The following PCDH19 variants were observed in gnomAD, a reference collection of about 807,000 sequenced individuals.
PCDH19 encodes protocadherin 19, also known as protocadherin-19.
PCDH19 carries 6 observed loss-of-function variants against 46.2 expected under a neutral mutation model. The observed-to-expected ratio is 0.13, with a 90% confidence interval of 0.07 to 0.26. The LOEUF (loss-of-function observed/expected upper bound fraction) is 0.26, where lower values mean the gene tolerates loss of function less well. Among genes scored for constraint, PCDH19 ranks in the 10% least tolerant of loss-of-function variants. PCDH19 has a pLI of 1.00. For missense variants in PCDH19, 740 were observed against 972.3 expected, an observed-to-expected ratio of 0.76 and a Z score of 3.18; for synonymous variants, 481 against 415.7, an observed-to-expected ratio of 1.16 and a Z score of -1.91.
At chrX:100,392,894 G>A (rs1196437775) in intron 3 of PCDH19, among the ~76,000 whole-genome samples, 1 of 111,288 alleles carries the variant, frequency 9.0e-6, no homozygotes, top group Non-Finnish European at 1.9e-5. Flanking sequence ...CAGTTTGACA[G>A]GGTCTCCCTG....
Position 100,402,579 on chromosome X carries a change from T to C in PCDH19, c.2561A>G (p.Asn854Ser). The change falls in exon 3 of 6, where the codon AAC (asparagine) becomes AGC (serine). Residue 854 changes from asparagine to serine, a missense_variant. Coordinates refer to ENST00000373034, the MANE Select transcript of PCDH19 (RefSeq NM_001184880.2). ...SANHIYHHSF[N>S]SQGPQQPDLI... is the part of the protein sequence containing the mutation. ...GTCAGGCTGCTGGGGCCCCTGGCTG[T>C]TGAAAGAGTGATGGTAGATGTGGTT... The C allele has an allele frequency of 8.3e-7, 1 of 1,211,565 alleles. No individual in the cohort carries two copies. Among genetic ancestry groups the C allele is most frequent in the Non-Finnish European group, 1.1e-6 (1 of 895,409 alleles).
intron 5 of PCDH19, among the ~76,000 whole-genome samples, chrX:100,301,084 A>C (rs1244928530): frequency 9.0e-6 from 1 of 111,378 alleles, no homozygotes; most frequent in Non-Finnish European, 1.9e-5. Context: ...AGCAATTACT[A>C]CTCTCCTCAG....
chrX:100,364,863 T>C (rs1267541080), intron 3 of PCDH19, among the ~76,000 whole-genome samples: 1 of 112,507 alleles, frequency 8.9e-6, no homozygotes, highest in Non-Finnish European at 1.9e-5. Flanking sequence ...CCTAGACTTG[T>C]ATTTCTTTCA....
chrX:100,372,532 C>A (rs921556054), intron 3 of PCDH19, among the ~76,000 whole-genome samples: 2 of 112,738 alleles, frequency 1.8e-5, no homozygotes, highest in African/African-American at 6.4e-5. Flanking sequence ...ATTAATCTAA[C>A]ACCCTCTGCT....
Position 100,402,576 on chromosome X carries a change from C to T in PCDH19, c.2564G>A (p.Ser855Asn), listed in dbSNP as rs796052824. 87 of 1,209,939 alleles carry T rather than the reference C, an allele frequency of 7.2e-5. No homozygotes were observed. The highest frequency in any genetic ancestry group is 9.5e-5 in the Non-Finnish European group (85 of 895,156). Residue 855 changes from serine to asparagine, a missense_variant, in exon 3 of 6, where the codon AGC becomes AAC. Around this residue, in one of 5 missense-constraint regions of PCDH19, gnomAD observed 416 missense variants for 476.8 expected, o/e 0.87. Transcript: ENST00000373034. ...CAGGTCAGGCTGCTGGGGCCCCTGG[C>T]TGTTGAAAGAGTGATGGTAGATGTG... ...ANHIYHHSFNSQGPQQPDLII... is the reference protein window; with the variant it reads ...ANHIYHHSFNNQGPQQPDLII...
intron 4 of PCDH19, among the ~76,000 whole-genome samples, chrX:100,345,074 G>T (rs1926358573): frequency 1.8e-5 from 2 of 110,225 alleles, no homozygotes; most frequent in Admixed American, 1.9e-4. Context: ...TTGAATCTCA[G>T]TTTCTTTATC....
chrX:100,331,196 C>A (rs930035950), intron 5 of PCDH19, among the ~76,000 whole-genome samples: 6 of 112,241 alleles, frequency 5.3e-5, no homozygotes, highest in African/African-American at 1.9e-4. Flanking sequence ...GACATTGACA[C>A]CTGCACACAC....
chrX:100,332,493 G>A (rs777850932), intron 5 of PCDH19, among the ~76,000 whole-genome samples: 8 of 104,222 alleles, frequency 7.7e-5, no homozygotes, highest in Admixed American at 2.1e-4. Flanking sequence ...TTGTACTCCA[G>A]CCTGGAGCAA....
intron 3 of PCDH19, among the ~76,000 whole-genome samples, chrX:100,352,493 A>ACC (rs1189923993): frequency 4.4e-5 from 5 of 112,489 alleles, no homozygotes; most frequent in African/African-American, 1.6e-4. Flanking sequence ...TGTGGTTTGG[A>ACC]CCTGTGTCCC....
chrX:100,387,330 G>A (rs1306633124), intron 3 of PCDH19, among the ~76,000 whole-genome samples: 1 of 111,712 alleles, frequency 9.0e-6, no homozygotes, highest in Non-Finnish European at 1.9e-5. Flanking sequence ...CACAAATAGT[G>A]CATTTAGTCA....
intron 5 of PCDH19, among the ~76,000 whole-genome samples, chrX:100,338,483 G>A (rs1602593122): frequency 2.0e-5 from 2 of 99,401 alleles, no homozygotes; most frequent in African/African-American, 7.5e-5. Flanking sequence ...GATCGCACCA[G>A]TGCACTCCAG....
intron 5 of PCDH19, among the ~76,000 whole-genome samples, chrX:100,301,125 CCAAA>C (rs1353185403): frequency 9.0e-6 from 1 of 111,425 alleles, no homozygotes; most frequent in Middle Eastern, 4.2e-3. Context: ...TCAGATGTGG[CCAAA>C]CAATGTACTT....
intron 3 of PCDH19, among the ~76,000 whole-genome samples, chrX:100,374,748 G>A (rs752331661): frequency 6.3e-5 from 7 of 111,089 alleles, no homozygotes; most frequent in Non-Finnish European, 1.1e-4. Context: ...GACCATCCTG[G>A]CTAACACAGT....
chrX:100,303,830 C>A (rs1294670519), intron 5 of PCDH19, among the ~76,000 whole-genome samples: 2 of 111,703 alleles, frequency 1.8e-5, no homozygotes, highest in Non-Finnish European at 3.8e-5. Context: ...AGCAGCCCTC[C>A]CCTACAACAC....
intron 5 of PCDH19, among the ~76,000 whole-genome samples, chrX:100,320,246 A>G (rs1415110361): frequency 1.8e-5 from 2 of 111,694 alleles, no homozygotes; most frequent in Non-Finnish European, 3.8e-5. Flanking sequence ...TACAATAAAC[A>G]GTAATAGAGT....
At chrX:100,316,338 T>C (rs1925304378) in intron 5 of PCDH19, among the ~76,000 whole-genome samples, 1 of 112,372 alleles carries the variant, frequency 8.9e-6, no homozygotes, top group Non-Finnish European at 1.9e-5. Context: ...CCTAAATGCA[T>C]TACAATCCCC....
chrX:100,329,867 G>C (rs138279783), intron 5 of PCDH19, among the ~76,000 whole-genome samples: 1 of 111,623 alleles, frequency 9.0e-6, no homozygotes, highest in Non-Finnish European at 1.9e-5. Flanking sequence ...AGCTGAGATC[G>C]CGCCACTGCA....
chrX:100,372,708 C>T lies in PCDH19; in HGVS notation c.2617-22004G>A, dbSNP rs189264954. 2.5e-4 allele frequency among the ~76,000 whole-genome samples: 28 copies of T among 112,306 alleles called. No homozygotes were observed. The East Asian group carries it at 6.8e-3, about 27-fold the overall frequency. On this transcript the variant is annotated intron_variant, in intron 3 of 5. Coordinates refer to ENST00000373034, the MANE Select transcript of PCDH19 (RefSeq NM_001184880.2). ...TGGCGTGAGCAAGGCATCTGGAATT[C>T]ATGAAGTACTAAAAGCCTCTTGCTT...
intron 3 of PCDH19, among the ~76,000 whole-genome samples, chrX:100,401,415 G>A (rs1244869898): frequency 8.9e-6 from 1 of 111,774 alleles, no homozygotes; most frequent in Non-Finnish European, 1.9e-5. Flanking sequence ...CACTTTGGGA[G>A]GCTGAGGTGG....
Sources: gnomAD v4.1 joint callset for allele counts (sites outside exome capture counted in the v4.1 genomes callset) on GRCh38, gnomAD v4.1.1 for gene constraint, gnomAD v4.1.1 regional missense constraint, MANE v1.5 for transcripts, NCBI Gene and HGNC (gene_info 2026-07-23, HGNC 2026-07-21) for gene names.